Variants in MAP4 observed in about 807,000 individuals in gnomAD.
The protein encoded by MAP4 is microtubule associated protein 4, also known as microtubule-associated protein 4.
A neutral mutation model predicts 170.2 loss-of-function variants in MAP4; 76 were observed. The observed-to-expected ratio is 0.45, with a 90% confidence interval of 0.37 to 0.54. MAP4 has a LOEUF of 0.54. Ranked by LOEUF, MAP4 falls within the 20% of genes least tolerant of loss-of-function variation. The pLI is 0.00. For synonymous variants in MAP4, 909 were observed against 994.5 expected (o/e 0.91, Z 1.62); for missense variants, 2,506 against 2,748.0 (o/e 0.91, Z 1.97).
chr3:48,002,973 A>AT lies in MAP4; in HGVS notation c.-19-4095dup, dbSNP rs1170412507. Among the ~76,000 whole-genome samples the AT allele has an allele frequency of 3.2e-3, 487 of 150,406 alleles. 3 individuals are homozygous for AT. The highest frequency in any genetic ancestry group is 0.011 in the African/African-American group (455 of 40,962). On this transcript the variant is annotated intron_variant, in intron 1 of 20. Coordinates refer to ENST00000683076, the MANE Select transcript of MAP4 (RefSeq NM_001385682.1). Reference sequence around the variant, plus strand: ...AGGCCAAAAATAAATAAATAAATAAATAAATAAATAAATAAATAAATTTAA... The same window carrying AT: ...AGGCCAAAAATAAATAAATAAATAAATTAAATAAATAAATAAATAAATTTAA...
intron 2 of MAP4, among the ~76,000 whole-genome samples, chr3:47,981,178 T>C (rs1207767500): frequency 2.6e-5 from 4 of 152,168 alleles, no homozygotes; most frequent in Admixed American, 2.6e-4. Flanking sequence ...GATTATAATA[T>C]TGTAAAATAG....
chr3:47,996,596 A>T (rs1340414568), intron 2 of MAP4, among the ~76,000 whole-genome samples: 1 of 152,188 alleles, frequency 6.6e-6, no homozygotes, highest in Non-Finnish European at 1.5e-5. Context: ...GAAGGCAATT[A>T]CGGTAATGAC....
Position 47,869,312 on chromosome 3 carries a change from T to C in MAP4, c.6310A>G (p.Lys2104Glu). ...CGGGTTGTAGCAGCTGCCTCTGTTT[T>C]TTTCTCTACTTTGGCCTGGATGGAG... ...PGGGRAKVEK[K>E]TEAAATTRKP... The change falls in exon 16 of 21, where the codon AAA becomes GAA. Residue 2104 changes from lysine (K) to glutamate (E), a missense_variant. Physicochemically the swap from Lys to Glu is moderately conservative, Grantham distance 56. This residue lies in a region of MAP4 where 487 missense variants were observed against 511.6 expected (regional missense o/e 0.95). Coordinates refer to ENST00000683076, the MANE Select transcript of MAP4 (RefSeq NM_001385682.1). 6.2e-7 allele frequency: 1 copy of C among 1,613,254 alleles called. No individual in the cohort carries two copies. Among genetic ancestry groups the C allele is most frequent in the Non-Finnish European group, 8.5e-7 (1 of 1,179,184 alleles).
chr3:47,961,496 T>C (rs552835876), intron 3 of MAP4, among the ~76,000 whole-genome samples: 2 of 152,308 alleles, frequency 1.3e-5, no homozygotes, highest in Admixed American at 1.3e-4. Flanking sequence ...CATTGTTATA[T>C]GGGAGCTCAA....
chr3:47,934,953 A>C (rs1384843349), intron 3 of MAP4, among the ~76,000 whole-genome samples: 1 of 152,220 alleles, frequency 6.6e-6, no homozygotes, highest in Admixed American at 6.5e-5. Flanking sequence ...GCACTACGAA[A>C]ACACAGAAGC....
At chr3:47,986,410 A>C (rs960425017) in intron 2 of MAP4, among the ~76,000 whole-genome samples, 2 of 151,922 alleles carry the variant, frequency 1.3e-5, no homozygotes, top group Non-Finnish European at 2.9e-5. Context: ...GCACAATCTC[A>C]GCTCACTGCA....
chr3:48,049,947 A>C (rs2100126734), intron 1 of MAP4, among the ~76,000 whole-genome samples: 1 of 151,694 alleles, frequency 6.6e-6, no homozygotes, highest in Admixed American at 6.6e-5. Context: ...GGGAAAAAAA[A>C]TAAATTAATT....
intron 2 of MAP4, among the ~76,000 whole-genome samples, chr3:47,996,388 T>TA (rs565320846): frequency 1.3e-4 from 19 of 151,434 alleles, no homozygotes; most frequent in South Asian, 4.2e-4. Flanking sequence ...AATGGGACAA[T>TA]AAAAAAACAA....
intron 1 of MAP4, among the ~76,000 whole-genome samples, chr3:48,038,337 T>C (rs1052419691): frequency 2.6e-5 from 4 of 152,126 alleles, no homozygotes; most frequent in African/African-American, 9.7e-5. Flanking sequence ...ATTTTTTTCT[T>C]TTTATCACCA....
chr3:47,984,191 T>C (rs767788883), intron 2 of MAP4, among the ~76,000 whole-genome samples: 1 of 151,972 alleles, frequency 6.6e-6, no homozygotes, highest in Non-Finnish European at 1.5e-5. Context: ...AGAGATGCAG[T>C]CTTGCTGTGT....
rs142423472 is a variant in MAP4, at chr3:47,916,671, T to C, written c.1156A>G (p.Ile386Val). ...TTGGAAGGAGCCAAGTCCATTTTTA[T>C]AGGAGATGCCCTCTCTGTTTCTTTC... ...NKKETERASP[I>V]KMDLAPSKDM... Residue 386 changes from isoleucine to valine, a missense_variant, in exon 7 of 21, where the codon ATA (isoleucine) becomes GTA (valine). Transcript: ENST00000683076. The C allele has an allele frequency of 5.3e-4, 850 of 1,614,072 alleles. 8 individuals are homozygous for C. Among genetic ancestry groups the C allele is most frequent in the Middle Eastern group, 1.2e-3 (7 of 6,084 alleles).
intron 1 of MAP4, among the ~76,000 whole-genome samples, chr3:48,045,375 G>C (rs538460815): frequency 6.6e-6 from 1 of 151,934 alleles, no homozygotes; most frequent in Non-Finnish European, 1.5e-5. Context: ...GGAGGTGAGC[G>C]AAGGGCAGGC....
chr3:48,079,312 G>A (rs774670932), intron 1 of MAP4, among the ~76,000 whole-genome samples: 21 of 151,838 alleles, frequency 1.4e-4, no homozygotes, highest in Admixed American at 5.3e-4. Context: ...GAACAATTCT[G>A]GTCTCATATT....
chr3:47,911,292 C>G lies in MAP4; in HGVS notation c.3129G>C (p.Gln1043His). The G allele has an allele frequency of 6.5e-7, 1 of 1,536,152 alleles. No individual in the cohort carries two copies. Among genetic ancestry groups the G allele is most frequent in the Non-Finnish European group, 8.7e-7 (1 of 1,146,912 alleles). ...SEQLQGQVLVQVPGVENEPFK... is the reference protein window; with the variant it reads ...SEQLQGQVLVHVPGVENEPFK... ...ATGGTTCATTCTCTACCCCAGGGAC[C>G]TGTACCAACACTTGGCCCTGCAGCT... is the stretch of plus-strand genomic sequence containing the variant. Residue 1043 changes from glutamine to histidine, a missense_variant, in exon 9 of 21, where the codon CAG (glutamine) becomes CAC (histidine). By Grantham distance (24) the Gln-to-His change is conservative. This residue lies in a region of MAP4 where 2,008 missense variants were observed against 2,206.0 expected (regional missense o/e 0.91). Transcript: ENST00000683076. This position sits in a 1 kb window ranked among gnomAD's most constrained non-coding sequence, Gnocchi z 4.0.
At chr3:48,082,372 C>T (rs911312056) in intron 1 of MAP4, among the ~76,000 whole-genome samples, 5 of 152,204 alleles carry the variant, frequency 3.3e-5, no homozygotes, top group Non-Finnish European at 5.9e-5. Context: ...TGATACTCCT[C>T]CCTTCAGGGG....
intron 3 of MAP4, among the ~76,000 whole-genome samples, chr3:47,934,020 T>C (rs1306370327): frequency 6.6e-6 from 1 of 152,146 alleles, no homozygotes; most frequent in African/African-American, 2.4e-5. Flanking sequence ...TTCATCACCA[T>C]TTCAGTAGAT....
At chr3:48,060,918 C>T (rs2100134845) in intron 1 of MAP4, among the ~76,000 whole-genome samples, 1 of 151,878 alleles carries the variant, frequency 6.6e-6, no homozygotes, top group South Asian at 2.1e-4. Context: ...GATCTCGGCT[C>T]ACTGCAAGCT....
At chr3:48,057,640 A>G (rs2100132931) in intron 1 of MAP4, among the ~76,000 whole-genome samples, 1 of 139,254 alleles carries the variant, frequency 7.2e-6, no homozygotes, top group Non-Finnish European at 1.5e-5. Context: ...TAAAAAAGAA[A>G]AAAAAGAAAA....
In MAP4 at chr3:48,059,347, T is replaced by A. The variant is rs868179713; in HGVS notation, c.-20+29426A>T. 1.1e-3 allele frequency among the ~76,000 whole-genome samples: 163 copies of A among 151,284 alleles called. 2 individuals are homozygous for A. Among genetic ancestry groups the A allele is most frequent in the African/African-American group, 3.5e-3 (146 of 41,258 alleles). On this transcript the variant is annotated intron_variant, in intron 1 of 18. Coordinates refer to the MAP4 transcript ENST00000360240. ...CTGGGCAACATGGTGAAACCCCGTTTCTACTAAAATACAAAAAATTAGCCA... is the reference window on the plus strand; with the variant it reads ...CTGGGCAACATGGTGAAACCCCGTTACTACTAAAATACAAAAAATTAGCCA...
Sources: gnomAD v4.1 joint callset for allele counts (sites outside exome capture counted in the v4.1 genomes callset) on GRCh38, gnomAD v4.1.1 for gene constraint, gnomAD v4.1.1 regional missense constraint, Gnocchi (gnomAD v3.1) non-coding constraint, MANE v1.5 for transcripts, NCBI Gene and HGNC (gene_info 2026-07-23, HGNC 2026-07-21) for gene names.